Variants in ZNF804B observed in about 807,000 individuals in gnomAD.
ZNF804B encodes the protein zinc finger 804B.
In ZNF804B, 80 loss-of-function variants were observed where a neutral mutation model predicts 101.4. The ratio of observed to expected loss-of-function variants is 0.79; its 90% CI spans 0.66 to 0.95. The LOEUF is 0.95. Ranked by LOEUF, ZNF804B falls within the 40% of genes least tolerant of loss-of-function variation. ZNF804B has a pLI of 0.00. For synonymous variants in ZNF804B, 622 were observed against 558.8 expected (o/e 1.11, Z -1.59); for missense variants, 1,673 against 1,561.9 (o/e 1.07, Z -1.20).
At chr7:89,206,273 C>T (rs1788713316) in intron 1 of ZNF804B, among the ~76,000 whole-genome samples, 1 of 152,058 alleles carries the variant, frequency 6.6e-6, no homozygotes, top group African/African-American at 2.4e-5. Context: ...TTTCCCATGG[C>T]TTGGCGATTA....
intron 1 of ZNF804B, among the ~76,000 whole-genome samples, chr7:89,034,739 G>A (rs1290305911): frequency 6.6e-6 from 1 of 152,172 alleles, no homozygotes; most frequent in Non-Finnish European, 1.5e-5. Context: ...ATAGTGGAAT[G>A]ATTTATAATC....
chr7:88,854,426 T>TCTTCCTTCCTTC (rs1491177302), intron 1 of ZNF804B, among the ~76,000 whole-genome samples: 2 of 88,004 alleles, frequency 2.3e-5, no homozygotes, highest in Non-Finnish European at 4.7e-5. Flanking sequence ...TTTCTTTCTT[T>TCTTCCTTCCTTC]CTTTCTTTCT....
At chr7:89,014,507 G>A (rs1266549068) in intron 1 of ZNF804B, among the ~76,000 whole-genome samples, 2 of 152,094 alleles carry the variant, frequency 1.3e-5, no homozygotes, top group African/African-American at 2.4e-5. Flanking sequence ...TAGTAGAGAC[G>A]GGGTTTCACC....
chr7:89,267,705 C>G (rs978361660), intron 2 of ZNF804B, among the ~76,000 whole-genome samples: 1 of 152,058 alleles, frequency 6.6e-6, no homozygotes, highest in South Asian at 2.1e-4. Context: ...GAGTCATTTT[C>G]TAATAGAAGG....
chr7:89,229,823 C>T (rs954417907), intron 2 of ZNF804B, among the ~76,000 whole-genome samples: 2 of 151,998 alleles, frequency 1.3e-5, no homozygotes, highest in Non-Finnish European at 2.9e-5. Context: ...TTAAAAAATA[C>T]ACATTAAAAG....
intron 1 of ZNF804B, among the ~76,000 whole-genome samples, chr7:88,811,515 C>A (rs1369921761): frequency 6.6e-6 from 1 of 152,098 alleles, no homozygotes; most frequent in East Asian, 1.9e-4. Context: ...TATAAAGGTA[C>A]ATGCACATAT....
At chr7:89,292,920 C>A (rs1222410758) in intron 2 of ZNF804B, among the ~76,000 whole-genome samples, 1 of 151,826 alleles carries the variant, frequency 6.6e-6, no homozygotes, top group Admixed American at 6.6e-5. Flanking sequence ...TCTAGGACCC[C>A]ACACTTAAAA....
chr7:89,177,946 A>T (rs1788214575), intron 1 of ZNF804B, among the ~76,000 whole-genome samples: 2 of 150,474 alleles, frequency 1.3e-5, no homozygotes, highest in Admixed American at 6.6e-5. Flanking sequence ...AAAAAAAAAA[A>T]GAACAAAAAA....
At chr7:88,860,012 A>C (rs1433584305) in intron 1 of ZNF804B, among the ~76,000 whole-genome samples, 2 of 151,952 alleles carry the variant, frequency 1.3e-5, no homozygotes, top group African/African-American at 4.8e-5. Context: ...AGTAAGGTTA[A>C]TATTTGATGT....
chr7:89,030,498 C>G (rs1788813122), intron 1 of ZNF804B, among the ~76,000 whole-genome samples: 1 of 151,988 alleles, frequency 6.6e-6, no homozygotes, highest in Non-Finnish European at 1.5e-5. Flanking sequence ...GTAGATTTAT[C>G]AAGACTTCTG....
intron 1 of ZNF804B, among the ~76,000 whole-genome samples, chr7:88,938,304 T>A (rs936444627): frequency 6.6e-6 from 1 of 152,058 alleles, no homozygotes; most frequent in Non-Finnish European, 1.5e-5. Context: ...GACAAGTGTT[T>A]CCTATTCAGA....
chr7:89,310,079 T>G, intron 2 of ZNF804B, among the ~76,000 whole-genome samples: 1 of 142,700 alleles, frequency 7.0e-6, no homozygotes, highest in East Asian at 2.0e-4. Flanking sequence ...GCTGTTGTTT[T>G]TAAGGCAAAA....
chr7:89,311,245 G>C (rs781400899), intron 2 of ZNF804B, among the ~76,000 whole-genome samples: 1 of 152,038 alleles, frequency 6.6e-6, no homozygotes, highest in Non-Finnish European at 1.5e-5. Flanking sequence ...TTAAAATAAC[G>C]AATACTTTTC....
intron 1 of ZNF804B, among the ~76,000 whole-genome samples, chr7:88,761,467 A>G (rs1299793147): frequency 1.3e-5 from 2 of 152,140 alleles, no homozygotes; most frequent in Non-Finnish European, 2.9e-5. Flanking sequence ...AATCTTTCCC[A>G]TTTCTAAAGA....
At chr7:88,760,898 ATAAATATATATAT>A (rs929054927) in intron 1 of ZNF804B, among the ~76,000 whole-genome samples, 2 of 93,978 alleles carry the variant, frequency 2.1e-5, no homozygotes, top group African/African-American at 1.2e-4. Flanking sequence ...TATATATATA[ATAAATATATATAT>A]AATAAATATA....
rs137901996 is a variant in ZNF804B, at chr7:88,976,980, A to G, written c.108+216896A>G. On this transcript the variant is annotated intron_variant, in intron 1 of 3. Transcript: ENST00000333190. Reference sequence around the variant, plus strand: ...TTTATCAAATGGTTTTTCAGCATCAATTGAAATGATCATATGGTTTTTGTA... The same window carrying G: ...TTTATCAAATGGTTTTTCAGCATCAGTTGAAATGATCATATGGTTTTTGTA... 2.2e-3 allele frequency among the ~76,000 whole-genome samples: 337 copies of G among 151,892 alleles called. 7 individuals carry two copies. Among genetic ancestry groups the G allele is most frequent in the Admixed American group, 0.021 (312 of 15,206 alleles).
At chr7:88,854,443 C>CTTTCTTTCTT (rs1562812681) in intron 1 of ZNF804B, among the ~76,000 whole-genome samples, 1 of 126,292 alleles carries the variant, frequency 7.9e-6, no homozygotes, top group Admixed American at 8.4e-5. Flanking sequence ...TTCTTTCTTT[C>CTTTCTTTCTT]TTTCTTTCTT....
chr7:89,185,400 A>G (rs1001613639), intron 1 of ZNF804B, among the ~76,000 whole-genome samples: 2 of 152,196 alleles, frequency 1.3e-5, no homozygotes, highest in African/African-American at 2.4e-5. Flanking sequence ...CACTGTTCCT[A>G]TAAAACAGTG....
At position 89,250,769 on chromosome 7, in the gene ZNF804B, A is replaced by C. The variant is rs538304241; in HGVS notation, c.249+32474A>C. Among the ~76,000 whole-genome samples the C allele has an allele frequency of 2.0e-5, 3 of 152,338 alleles. No individual in the cohort carries two copies. The East Asian group carries it at 5.8e-4, about 29-fold the overall frequency. On this transcript the variant is annotated intron_variant, in intron 2 of 3. Transcript: ENST00000333190. The stretch of plus-strand genomic sequence containing the variant: ...TGATCAAATAGGCTTCATTCCTAAG[A>C]TTCACTGCTGGTTCAACATATGCAA...
Sources: allele counts gnomAD v4.1 joint callset (sites outside exome capture counted in the v4.1 genomes callset), GRCh38; gene constraint gnomAD v4.1.1; transcripts MANE v1.5; gene names NCBI Gene and HGNC (gene_info 2026-07-23, HGNC 2026-07-21).